GLIS3: variants seen among roughly 807,000 people sequenced by gnomAD.
GLIS3 encodes zinc finger protein GLIS3.
Under a neutral mutation model 78.6 loss-of-function variants are expected in GLIS3, and 53 were observed. The observed-to-expected ratio is 0.67, with a 90% confidence interval of 0.54 to 0.85. GLIS3 has a LOEUF of 0.85. Ranked by LOEUF, GLIS3 falls within the 40% of genes least tolerant of loss-of-function variation. GLIS3 has a pLI of 0.00. For missense variants in GLIS3, 1,703 were observed against 1,231.1 expected (o/e 1.38, Z -5.74); for synonymous variants, 684 against 509.9 (o/e 1.34, Z -4.60).
chr9:4,051,672 T>C (rs1027480630), intron 4 of GLIS3, among the ~76,000 whole-genome samples: 13 of 152,306 alleles, frequency 8.5e-5, no homozygotes, highest in South Asian at 4.1e-4. Flanking sequence ...AAAAAGAACA[T>C]AGCAATAATT....
chr9:4,061,239 C>G (rs947908365), intron 4 of GLIS3, among the ~76,000 whole-genome samples: 5 of 139,792 alleles, frequency 3.6e-5, no homozygotes, highest in African/African-American at 1.1e-4. Context: ...TGACAGGCCC[C>G]GGTGTGTGAT....
intron 2 of GLIS3, among the ~76,000 whole-genome samples, chr9:4,149,935 G>A (rs1222087102): frequency 3.3e-5 from 5 of 152,194 alleles, no homozygotes; most frequent in African/African-American, 1.2e-4. Flanking sequence ...TACTACAAAA[G>A]GGATTTACTA....
intron 4 of GLIS3, among the ~76,000 whole-genome samples, chr9:3,972,127 T>A (rs1416574843): frequency 2.6e-5 from 4 of 152,326 alleles, no homozygotes; most frequent in African/African-American, 9.6e-5. Flanking sequence ...TACTTTCCTA[T>A]GGAAGAGTAA....
chr9:3,859,812 G>GA (rs1243227293), intron 8 of GLIS3, among the ~76,000 whole-genome samples: 15 of 151,200 alleles, frequency 9.9e-5, no homozygotes, highest in African/African-American at 4.9e-5. Flanking sequence ...TAACAGACTA[G>GA]AAAAAAAAAT....
chr9:4,163,398 T>C (rs1427716582), intron 2 of GLIS3, among the ~76,000 whole-genome samples: 2 of 152,290 alleles, frequency 1.3e-5, no homozygotes, highest in African/African-American at 2.4e-5. Flanking sequence ...AACAATTTCA[T>C]TTTACAGATG....
Position 4,115,960 on chromosome 9 carries a change from A to G in GLIS3, c.1710+1808T>C, listed in dbSNP as rs563798495. On this transcript the variant is annotated intron_variant, in intron 4 of 10. Coordinates refer to ENST00000381971, the MANE Select transcript of GLIS3 (RefSeq NM_001042413.2). ...TGAACAATACAATGAGAAGCTATGC[A>G]TAAGCCTGCGAACATTAACCTATCA... is the stretch of plus-strand genomic sequence containing the variant. 2.0e-5 allele frequency among the ~76,000 whole-genome samples: 3 copies of G among 152,342 alleles called. No homozygotes were observed. The East Asian group carries it at 5.8e-4, about 29-fold the overall frequency.
rs542909553 is a variant in GLIS3, at chr9:4,153,223, T to TTC, written c.389-27284_389-27283dup. Among the ~76,000 whole-genome samples, 63 of 152,314 alleles carry TTC rather than the reference T, an allele frequency of 4.1e-4. 1 individual carries two copies. The highest frequency in any genetic ancestry group is 8.3e-4 in the South Asian group (4 of 4,832). ...CCTTATTCACTACCTTGACAATGAA[T>TTC]TCTAACTTGGAAGAATAAAATAGTA... On this transcript the variant is annotated intron_variant, in intron 2 of 10. Coordinates refer to ENST00000381971, the MANE Select transcript of GLIS3 (RefSeq NM_001042413.2).
At chr9:4,012,398 T>C (rs1475020733) in intron 4 of GLIS3, among the ~76,000 whole-genome samples, 1 of 152,204 alleles carries the variant, frequency 6.6e-6, no homozygotes, top group African/African-American at 2.4e-5. Flanking sequence ...TTTTCGGTGA[T>C]GGTTATATGT....
At chr9:4,155,696 C>T (rs1013564365) in intron 2 of GLIS3, among the ~76,000 whole-genome samples, 1 of 152,144 alleles carries the variant, frequency 6.6e-6, no homozygotes, top group Non-Finnish European at 1.5e-5. Flanking sequence ...CGAGCAACTC[C>T]CCAGGCCCAC....
rs768287726 is a variant in GLIS3 at position 4,208,128 on chromosome 9, T to C, written c.388+77910A>G. Among the ~76,000 whole-genome samples, 6 of 152,282 alleles carry C rather than the reference T, an allele frequency of 3.9e-5. No homozygotes were observed. The South Asian group carries it at 1.2e-3, about 32-fold the overall frequency. ...GCCTGCAGTTTTCATTTGAGTTCAG[T>C]CCCCTGGGAGAAAAGCTTTTATTTG... is the stretch of plus-strand genomic sequence containing the variant. On this transcript the variant is annotated intron_variant, in intron 2 of 10. Coordinates refer to ENST00000381971, the MANE Select transcript of GLIS3 (RefSeq NM_001042413.2).
In GLIS3 at chr9:4,025,184, A is replaced by G. The variant is rs370570895; in HGVS notation, c.1711-87995T>C. ...GGAGAATCACTTGAATCCAGGAGGC[A>G]GACGTTGCAGTGAGCCAAGATGGCG... On this transcript the variant is annotated intron_variant, in intron 4 of 10. Transcript: ENST00000381971. Among the ~76,000 whole-genome samples the G allele has an allele frequency of 2.2e-3, 331 of 152,010 alleles. 3 individuals are homozygous for G. The highest frequency in any genetic ancestry group is 7.8e-3 in the African/African-American group (323 of 41,494).
rs545888192 is a variant in GLIS3, at chr9:4,115,235, G to A, written c.1710+2533C>T. 1.3e-4 allele frequency among the ~76,000 whole-genome samples: 20 copies of A among 152,248 alleles called. No homozygotes were observed. In the South Asian group the frequency reaches 2.5e-3, roughly 19 times the overall value. ...CTAACTCTATCATACACAGAAAATA[G>A]CAGTTAAACATATATAAAACTAAAA... On this transcript the variant is annotated intron_variant, in intron 4 of 10. Transcript: ENST00000381971.
intron 2 of GLIS3, among the ~76,000 whole-genome samples, chr9:4,342,005 G>T (rs1212291757): frequency 6.6e-6 from 1 of 152,140 alleles, no homozygotes; most frequent in African/African-American, 2.4e-5. Context: ...TTAGACCTTT[G>T]TTGGATGCAT....
At chr9:4,393,222 C>T in the GLIS3 span, among the ~76,000 whole-genome samples, 8 of 152,146 alleles carry the variant, frequency 5.3e-5, no homozygotes, top group Non-Finnish European at 8.8e-5. Context: ...GTATGTCTCT[C>T]TCTACATACA....
chr9:4,162,439 C>T (rs1290780330), intron 2 of GLIS3, among the ~76,000 whole-genome samples: 4 of 152,122 alleles, frequency 2.6e-5, no homozygotes, highest in East Asian at 3.9e-4. Context: ...ATCTGAAGAA[C>T]ATTTGCAGAC....
intron 2 of GLIS3, among the ~76,000 whole-genome samples, chr9:4,139,583 G>T (rs1271028434): frequency 6.6e-6 from 1 of 152,108 alleles, no homozygotes; most frequent in Admixed American, 6.5e-5. Context: ...AGTGTGAAGG[G>T]AGGGTAGTCT....
At chr9:4,218,766 G>A (rs1821075463) in intron 2 of GLIS3, among the ~76,000 whole-genome samples, 1 of 152,156 alleles carries the variant, frequency 6.6e-6, no homozygotes, top group South Asian at 2.1e-4. Context: ...ATATTGGACT[G>A]CCAACTCTCA....
chr9:4,198,201 T>G (rs1469794625), intron 2 of GLIS3, among the ~76,000 whole-genome samples: 1 of 152,088 alleles, frequency 6.6e-6, no homozygotes, highest in Admixed American at 6.5e-5. Flanking sequence ...AAGCATGGAT[T>G]GCAAGCAAGC....
chr9:4,247,512 C>A (rs976146217), intron 2 of GLIS3, among the ~76,000 whole-genome samples: 5 of 152,156 alleles, frequency 3.3e-5, no homozygotes, highest in East Asian at 1.9e-4. Flanking sequence ...TGGGGGTTAA[C>A]AGACTGTCTC....
Sources: allele counts gnomAD v4.1 joint callset (sites outside exome capture counted in the v4.1 genomes callset), GRCh38; gene constraint gnomAD v4.1.1; transcripts MANE v1.5; gene names NCBI Gene and HGNC (gene_info 2026-07-23, HGNC 2026-07-21).